DNER: variants seen among roughly 807,000 people sequenced by gnomAD.
The protein encoded by DNER is delta/notch like EGF repeat containing, also known as delta and Notch-like epidermal growth factor-related receptor.
Under a neutral mutation model 78.2 loss-of-function variants are expected in DNER, and 33 were observed. The observed-to-expected ratio is 0.42, with a 90% CI of 0.32 to 0.56. The LOEUF is 0.56. Among genes scored for constraint, DNER ranks in the 20% least tolerant of loss-of-function variants. The probability of loss-of-function intolerance (pLI) is 0.11; values close to 1 mark genes in which losing one functional copy is unlikely to be tolerated. For missense variants in DNER, 918 were observed against 975.3 expected, an observed-to-expected ratio of 0.94 and a Z score of 0.78; for synonymous variants, 417 against 384.8, an observed-to-expected ratio of 1.08 and a Z score of -0.98.
intron 7 of DNER, among the ~76,000 whole-genome samples, chr2:229,451,691 G>A (rs1355079473): frequency 2.0e-5 from 3 of 152,136 alleles, no homozygotes; most frequent in Non-Finnish European, 2.9e-5. Context: ...GGGACACCAA[G>A]GCCAAGTGCT....
intron 11 of DNER, among the ~76,000 whole-genome samples, chr2:229,378,902 G>A (rs538342933): frequency 6.6e-4 from 101 of 152,264 alleles, no homozygotes; most frequent in Non-Finnish European, 9.4e-4. Flanking sequence ...TTTCAGCTAT[G>A]TGTCATCCGC....
intron 1 of DNER, among the ~76,000 whole-genome samples, chr2:229,593,136 A>G (rs2154214689): frequency 6.6e-6 from 1 of 152,364 alleles, no homozygotes. Flanking sequence ...TGAAGAGAAT[A>G]TTTAAATTGT....
intron 5 of DNER, among the ~76,000 whole-genome samples, chr2:229,514,811 C>T (rs1215356278): frequency 1.3e-5 from 2 of 152,154 alleles, no homozygotes; most frequent in African/African-American, 4.8e-5. Flanking sequence ...GTGCAGATCC[C>T]TCACAAACCA....
At chr2:229,424,800 T>C (rs1693839140) in intron 8 of DNER, among the ~76,000 whole-genome samples, 1 of 152,184 alleles carries the variant, frequency 6.6e-6, no homozygotes, top group Admixed American at 6.5e-5. Context: ...ACAAGACTGT[T>C]GGTATTTTGG....
chr2:229,565,731 C>CA (rs1409106326), intron 4 of DNER, among the ~76,000 whole-genome samples: 10 of 152,142 alleles, frequency 6.6e-5, no homozygotes, highest in African/African-American at 2.4e-4. Flanking sequence ...CATAATAGGA[C>CA]ACCTTTTTAA....
chr2:229,484,932 G>A (rs2154211537), intron 6 of DNER, among the ~76,000 whole-genome samples: 1 of 152,230 alleles, frequency 6.6e-6, no homozygotes, highest in Non-Finnish European at 1.5e-5. Flanking sequence ...TTAAAAATCA[G>A]CATTCTCAGG....
intron 1 of DNER, among the ~76,000 whole-genome samples, chr2:229,639,207 T>A (rs1698574063): frequency 6.6e-6 from 1 of 152,228 alleles, no homozygotes. Context: ...ATAGGGTTTT[T>A]TCTCATAAGC....
At chr2:229,416,037 T>A (rs1477408356) in intron 9 of DNER, among the ~76,000 whole-genome samples, 1 of 152,208 alleles carries the variant, frequency 6.6e-6, no homozygotes, top group African/African-American at 2.4e-5. Flanking sequence ...AATAAGACTT[T>A]CTTCACCTCA....
chr2:229,632,919 GA>G (rs1454413582), intron 1 of DNER, among the ~76,000 whole-genome samples: 2 of 151,740 alleles, frequency 1.3e-5, no homozygotes, highest in African/African-American at 4.8e-5. Flanking sequence ...AATGCAAACT[GA>G]AAAAAGATAG....
chr2:229,513,047 T>TA (rs1403431199), intron 5 of DNER, 111 bp from the exon 6 acceptor site: 1 of 1,197,886 alleles, frequency 8.3e-7, no homozygotes. Context: ...ATCAGCAATT[T>TA]AATCAAATCA....
chr2:229,379,097 T>C (rs755238737), intron 11 of DNER, among the ~76,000 whole-genome samples: 1 of 152,174 alleles, frequency 6.6e-6, no homozygotes, highest in Non-Finnish European at 1.5e-5. Context: ...CGTCCAGGTA[T>C]GCACTGAGAT....
intron 4 of DNER, among the ~76,000 whole-genome samples, chr2:229,551,738 C>G (rs1387396604): frequency 1.3e-5 from 2 of 151,992 alleles, no homozygotes; most frequent in African/African-American, 4.8e-5. Context: ...TCAAGACTAG[C>G]CTGGCCAACA....
chr2:229,584,636 G>A (rs1697465034), intron 4 of DNER, among the ~76,000 whole-genome samples: 1 of 152,102 alleles, frequency 6.6e-6, no homozygotes, highest in South Asian at 2.1e-4. Context: ...CCATTTCTAC[G>A]CCAAAGCGGA....
intron 1 of DNER, among the ~76,000 whole-genome samples, chr2:229,656,600 G>A (rs187112067): frequency 6.6e-6 from 1 of 152,182 alleles, no homozygotes. Context: ...GTTATTCTCG[G>A]TACATTTCTT....
intron 1 of DNER, among the ~76,000 whole-genome samples, chr2:229,611,234 C>A (rs1277565391): frequency 6.6e-6 from 1 of 152,026 alleles, no homozygotes. Context: ...TTTCAAACAG[C>A]TACGAAGTCA....
chr2:229,461,385 T>C lies in DNER; in HGVS notation c.1262-13845A>G, dbSNP rs190282716. Reference sequence around the variant, plus strand: ...TAAGAGCTCTGACCGGTCAACCTAGTAATAATGATCTCTCAAGGTAAGTGT... The same window carrying C: ...TAAGAGCTCTGACCGGTCAACCTAGCAATAATGATCTCTCAAGGTAAGTGT... On this transcript the variant is annotated intron_variant, in intron 7 of 12. Coordinates refer to ENST00000341772, the MANE Select transcript of DNER (RefSeq NM_139072.4). 2.4e-3 allele frequency among the ~76,000 whole-genome samples: 371 copies of C among 152,156 alleles called. 2 individuals are homozygous for C. Among genetic ancestry groups the C allele is most frequent in the Non-Finnish European group, 4.5e-3 (306 of 68,020 alleles).
intron 2 of DNER, among the ~76,000 whole-genome samples, chr2:229,590,121 A>G (rs1026699468): frequency 2.0e-5 from 3 of 152,292 alleles, no homozygotes; most frequent in African/African-American, 7.2e-5. Context: ...TGTCATACAT[A>G]TAAAGTATAA....
intron 5 of DNER, among the ~76,000 whole-genome samples, chr2:229,529,518 A>C (rs1048917529): frequency 6.6e-6 from 1 of 152,190 alleles, no homozygotes. Flanking sequence ...TTAATATTTT[A>C]CTTTCAACCC....
intron 5 of DNER, among the ~76,000 whole-genome samples, chr2:229,532,852 T>C (rs1696330910): frequency 6.6e-6 from 1 of 152,200 alleles, no homozygotes; most frequent in Non-Finnish European, 1.5e-5. Flanking sequence ...TGGCCCCCTG[T>C]GGGCTGCTGG....
Sources: gnomAD v4.1 joint callset for allele counts (sites outside exome capture counted in the v4.1 genomes callset) on GRCh38, gnomAD v4.1.1 for gene constraint, MANE v1.5 for transcripts, NCBI Gene and HGNC (gene_info 2026-07-23, HGNC 2026-07-21) for gene names.